The following ARIH1 variants were observed in gnomAD, a reference collection of about 807,000 sequenced individuals.
The protein encoded by ARIH1 is ariadne RBR E3 ubiquitin protein ligase 1.
In ARIH1, 8 loss-of-function variants were observed where a neutral mutation model predicts 85.0. That is an observed-to-expected ratio of 0.09 (90% confidence interval 0.06 to 0.17). The LOEUF (loss-of-function observed/expected upper bound fraction) is 0.17. Among genes scored for constraint, ARIH1 ranks in the 10% least tolerant of loss-of-function variants. ARIH1 has a pLI of 1.00. For missense variants in ARIH1, 311 were observed against 718.1 expected, an observed-to-expected ratio of 0.43 and a Z score of 6.48; for synonymous variants, 238 against 253.6, an observed-to-expected ratio of 0.94 and a Z score of 0.59.
chr15:72,498,961 ATTTTTTTTTTTTTTTTTTTT>A (rs535261674), intron 1 of ARIH1, among the ~76,000 whole-genome samples: 4 of 88,450 alleles, frequency 4.5e-5, no homozygotes, highest in Admixed American at 2.6e-4. Context: ...CTTTTCATAA[ATTTTTTTTTTTTTTTTTTTT>A]TTTTTTTTTT....
intron 3 of ARIH1, among the ~76,000 whole-genome samples, chr15:72,548,071 A>G (rs1225495962): frequency 6.6e-6 from 1 of 152,254 alleles, no homozygotes; most frequent in East Asian, 1.9e-4. Context: ...GAATAAATAC[A>G]TAATTCCTAA....
At chr15:72,499,392 A>G (rs554000365) in intron 1 of ARIH1, among the ~76,000 whole-genome samples, 170 of 151,692 alleles carry the variant, frequency 1.1e-3, no homozygotes, top group Non-Finnish European at 2.1e-3. Context: ...GATTACATTT[A>G]TAGCTTTAAT....
intron 1 of ARIH1, among the ~76,000 whole-genome samples, chr15:72,484,739 A>G (rs757537315): frequency 3.4e-4 from 50 of 147,600 alleles, no homozygotes; most frequent in African/African-American, 7.9e-4. Flanking sequence ...GTATATATGT[A>G]TATATATATG....
In ARIH1 at chr15:72,587,875, G is replaced by A. The variant is rs1332229509; in HGVS notation, c.*4583G>A. 1 of 152,102 alleles carries A rather than the reference G, an allele frequency of 6.6e-6. No individual in the cohort carries two copies. The highest frequency in any genetic ancestry group is 1.5e-5 in the Non-Finnish European group (1 of 68,014). 9.4% of individuals were successfully genotyped at this position (152,102 alleles called of 1,614,324 possible). ...GTGTGGAGTTGAGTCCAATTTTTAA[G>A]GCAACTATTGTTGACCTTTCTCTAG... On this transcript the variant is annotated 3_prime_UTR_variant, in exon 14 of 14. Coordinates refer to ENST00000379887, the MANE Select transcript of ARIH1 (RefSeq NM_005744.5).
chr15:72,553,095 C>T (rs796469627), intron 3 of ARIH1, among the ~76,000 whole-genome samples: 38 of 152,210 alleles, frequency 2.5e-4, no homozygotes, highest in African/African-American at 8.9e-4. Flanking sequence ...TATTTTTCAA[C>T]ATAAACTCTG....
At chr15:72,536,689 G>C (rs940840858) in intron 2 of ARIH1, among the ~76,000 whole-genome samples, 1 of 152,136 alleles carries the variant, frequency 6.6e-6, no homozygotes, top group Non-Finnish European at 1.5e-5. Flanking sequence ...CTTAACATCT[G>C]TTTCACTGTG....
intron 1 of ARIH1, chr15:72,475,241 T>A: frequency 9.9e-7 from 1 of 1,007,310 alleles, no homozygotes; most frequent in Non-Finnish European, 1.3e-6. Flanking sequence ...TCCCAAGTCC[T>A]GCTATGGCGG....
chr15:72,573,821 A>T (rs2140437192), intron 11 of ARIH1, among the ~76,000 whole-genome samples: 1 of 152,274 alleles, frequency 6.6e-6, no homozygotes, highest in East Asian at 1.9e-4. Context: ...AATTTGGTAG[A>T]TACTGTTGTT....
At chr15:72,567,852 G>C (rs1229960230) in intron 9 of ARIH1, among the ~76,000 whole-genome samples, 1 of 152,086 alleles carries the variant, frequency 6.6e-6, no homozygotes, top group African/African-American at 2.4e-5. Flanking sequence ...TTCATTTTTA[G>C]TATTATTTTG....
intron 1 of ARIH1, among the ~76,000 whole-genome samples, chr15:72,479,824 A>G (rs1384753698): frequency 6.6e-6 from 1 of 151,692 alleles, no homozygotes; most frequent in African/African-American, 2.4e-5. Context: ...AAGAACCTCA[A>G]GTTGAGGTTG....
At chr15:72,526,590 G>A (rs2064029461) in intron 2 of ARIH1, among the ~76,000 whole-genome samples, 1 of 152,214 alleles carries the variant, frequency 6.6e-6, no homozygotes, top group East Asian at 1.9e-4. Context: ...ACTTAGCTGG[G>A]CATGATAGTG....
rs1344107800 is a variant in ARIH1, at chr15:72,588,648, A to C, written c.*5356A>C. 1 of 152,176 alleles carries C rather than the reference A, an allele frequency of 6.6e-6. No homozygotes were observed. The highest frequency in any genetic ancestry group is 1.9e-4 in the East Asian group (1 of 5,194). 9.4% of individuals were successfully genotyped at this position (152,176 alleles called of 1,614,324 possible). A position where few individuals can be genotyped will look rare whatever the true frequency, so the allele number is the denominator to read the frequency against. On this transcript the variant is annotated 3_prime_UTR_variant, in exon 14 of 14. Transcript: ENST00000379887. ...CTGGCTCAGAATAGGGCCTCACTGG[A>C]GGCCCTAGTTGAGTGGGTTTTGTGG...
intron 11 of ARIH1, among the ~76,000 whole-genome samples, chr15:72,576,505 C>CAAAA (rs35725065): frequency 1.6e-5 from 1 of 63,282 alleles, no homozygotes; most frequent in African/African-American, 7.7e-5. Flanking sequence ...GACTCTGTCT[C>CAAAA]AAAAAAAAAA....
chr15:72,593,317 T>C lies in ARIH1; in HGVS notation c.*10025T>C, dbSNP rs1368454743. The C allele has an allele frequency of 6.6e-6, 1 of 152,190 alleles. No homozygotes were observed. The highest frequency in any genetic ancestry group is 1.5e-5 in the Non-Finnish European group (1 of 68,024). 9.4% of individuals were successfully genotyped at this position (152,190 alleles called of 1,614,324 possible). A position where few individuals can be genotyped will look rare whatever the true frequency, so the allele number is the denominator to read the frequency against. ...CTTTGATAGATATGCTATGATTTTT[T>C]AAAGACTCTATGTATTCACTTATTG... On this transcript the variant is annotated 3_prime_UTR_variant, in exon 14 of 14. Coordinates refer to ENST00000379887, the MANE Select transcript of ARIH1 (RefSeq NM_005744.5).
intron 1 of ARIH1, among the ~76,000 whole-genome samples, chr15:72,513,695 C>T (rs1265916443): frequency 1.1e-5 from 1 of 89,800 alleles, no homozygotes; most frequent in African/African-American, 4.4e-5. Flanking sequence ...CTCCCTCCCT[C>T]CCCCTCTCCC....
intron 2 of ARIH1, among the ~76,000 whole-genome samples, chr15:72,536,342 C>T (rs1320586269): frequency 2.0e-5 from 3 of 152,178 alleles, no homozygotes; most frequent in African/African-American, 7.2e-5. Flanking sequence ...GCGATCCTCC[C>T]AGCTTGTCCT....
At chr15:72,555,410 T>C (rs2064170839) in intron 4 of ARIH1, 47 bp downstream of exon 4, 2 of 1,371,374 alleles carry the variant, frequency 1.5e-6, no homozygotes, top group Non-Finnish European at 1.0e-6. Context: ...TTTCCTATAG[T>C]GTTAAGACCC....
At chr15:72,509,112 A>C (rs1332506183) in intron 1 of ARIH1, among the ~76,000 whole-genome samples, 1 of 148,792 alleles carries the variant, frequency 6.7e-6, no homozygotes, top group African/African-American at 2.5e-5. Flanking sequence ...TGCCTCAGCC[A>C]CCCAAGTAGC....
chr15:72,599,659 G>T lies in ARIH1; in HGVS notation c.*16367G>T, dbSNP rs2064375352. ...TCCCCCTTATTATTTTTTTAAACATGAATGGAAGCATACTATATTTTCTAC... is the reference window on the plus strand; with the variant it reads ...TCCCCCTTATTATTTTTTTAAACATTAATGGAAGCATACTATATTTTCTAC... On this transcript the variant is annotated 3_prime_UTR_variant, in exon 14 of 14. Transcript: ENST00000379887. 2.0e-5 allele frequency: 3 copies of T among 152,176 alleles called. No homozygotes were observed. The highest frequency in any genetic ancestry group is 7.2e-5 in the African/African-American group (3 of 41,506). 9.4% of individuals were successfully genotyped at this position (152,176 alleles called of 1,614,324 possible). A position where few individuals can be genotyped will look rare whatever the true frequency, so the allele number is the denominator to read the frequency against.
Sources: allele counts gnomAD v4.1 joint callset (sites outside exome capture counted in the v4.1 genomes callset), GRCh38; gene constraint gnomAD v4.1.1; transcripts MANE v1.5; gene names NCBI Gene and HGNC (gene_info 2026-07-23, HGNC 2026-07-21).